Variants in HSD17B12 observed in about 807,000 individuals in gnomAD.
HSD17B12 encodes very-long-chain 3-oxoacyl-CoA reductase.
Under a neutral mutation model 39.3 loss-of-function variants are expected in HSD17B12, and 32 were observed. The observed-to-expected ratio is 0.81, with a 90% CI of 0.61 to 1.09. The LOEUF (loss-of-function observed/expected upper bound fraction) is 1.09, where lower values mean the gene tolerates loss of function less well. HSD17B12 is among the 50% of genes least tolerant of loss of function. The pLI is 0.00. For synonymous variants in HSD17B12, 150 were observed against 146.7 expected (o/e 1.02, Z -0.16); for missense variants, 342 against 382.9 (o/e 0.89, Z 0.89).
the HSD17B12 span, chr11:43,584,639 A>G: frequency 6.6e-6 from 1 of 152,298 alleles, no homozygotes; most frequent in Non-Finnish European, 1.5e-5. Flanking sequence ...GCCACAGGTG[A>G]TGAAGAGCTT....
intron 1 of HSD17B12, among the ~76,000 whole-genome samples, chr11:43,705,479 A>T (rs1305465711): frequency 6.6e-6 from 1 of 152,148 alleles, no homozygotes; most frequent in Non-Finnish European, 1.5e-5. Flanking sequence ...AGTTCAACTG[A>T]ATTTGAAAAG....
chr11:43,810,219 T>G (rs1951057159), intron 4 of HSD17B12, among the ~76,000 whole-genome samples: 1 of 152,088 alleles, frequency 6.6e-6, no homozygotes, highest in African/African-American at 2.4e-5. Flanking sequence ...GACATCATTA[T>G]ATCTCTATAG....
rs151166325 is a variant in HSD17B12 at position 43,841,947 on chromosome 11, C to A, written c.684+1883C>A. Among the ~76,000 whole-genome samples, 218 of 152,338 alleles carry A rather than the reference C, an allele frequency of 1.4e-3. 7 individuals carry two copies. The East Asian group carries it at 0.036, about 25-fold the overall frequency. On this transcript the variant is annotated intron_variant, in intron 9 of 10. Transcript: ENST00000278353. ...TGTATCATTTCACTGCATCTCATAA[C>A]AATCTCATACAATGGTGTGATGATG...
At chr11:43,765,926 C>T (rs1006961710) in intron 3 of HSD17B12, among the ~76,000 whole-genome samples, 5 of 152,078 alleles carry the variant, frequency 3.3e-5, no homozygotes, top group Non-Finnish European at 5.9e-5. Context: ...CTCTGCCTCC[C>T]GGGTTCACGC....
At chr11:43,635,449 T>TG in the HSD17B12 span, among the ~76,000 whole-genome samples, 1 of 152,172 alleles carries the variant, frequency 6.6e-6, no homozygotes, top group Non-Finnish European at 1.5e-5. Context: ...ATTATAGAAT[T>TG]GAGTTTGTAG....
At chr11:43,665,479 A>G in the HSD17B12 span, among the ~76,000 whole-genome samples, 494 of 152,224 alleles carry the variant, frequency 3.2e-3, no homozygotes, top group Non-Finnish European at 5.0e-3. Flanking sequence ...TCAGCCTCCT[A>G]AAGTGATGGG....
At chr11:43,735,818 C>A (rs1204243703) in intron 1 of HSD17B12, among the ~76,000 whole-genome samples, 1 of 152,044 alleles carries the variant, frequency 6.6e-6, no homozygotes, top group Non-Finnish European at 1.5e-5. Flanking sequence ...AGGAAACTTA[C>A]AATCATGGTG....
chr11:43,799,484 G>A (rs1055002808), intron 4 of HSD17B12, among the ~76,000 whole-genome samples: 3 of 151,966 alleles, frequency 2.0e-5, no homozygotes, highest in African/African-American at 7.3e-5. Flanking sequence ...CTTTGTTATG[G>A]AAACAATTCA....
At chr11:43,809,292 C>T (rs552224041) in intron 4 of HSD17B12, among the ~76,000 whole-genome samples, 2 of 152,132 alleles carry the variant, frequency 1.3e-5, no homozygotes, top group African/African-American at 4.8e-5. Flanking sequence ...TTACTATCCC[C>T]ATTTTATGTC....
At chr11:43,748,533 A>G (rs1950436924) in intron 1 of HSD17B12, among the ~76,000 whole-genome samples, 1 of 152,194 alleles carries the variant, frequency 6.6e-6, no homozygotes, top group African/African-American at 2.4e-5. Context: ...GTGGTGGGAT[A>G]TATACCCACA....
At chr11:43,797,034 A>T (rs1950922115) in intron 3 of HSD17B12, among the ~76,000 whole-genome samples, 1 of 152,178 alleles carries the variant, frequency 6.6e-6, no homozygotes, top group African/African-American at 2.4e-5. Context: ...TATACCTTTA[A>T]CACCAAATAA....
chr11:43,561,132 T>A, the HSD17B12 span, among the ~76,000 whole-genome samples: 2 of 152,174 alleles, frequency 1.3e-5, no homozygotes, highest in Non-Finnish European at 2.9e-5. Context: ...CCCACCACTT[T>A]CAAGCTTGGT....
chr11:43,813,880 G>T (rs1951095662), intron 4 of HSD17B12, among the ~76,000 whole-genome samples: 1 of 152,096 alleles, frequency 6.6e-6, no homozygotes, highest in East Asian at 1.9e-4. Context: ...CTTCTGACAG[G>T]TTTCAGTGGT....
At chr11:43,779,667 A>G (rs753651523) in intron 3 of HSD17B12, among the ~76,000 whole-genome samples, 1 of 152,234 alleles carries the variant, frequency 6.6e-6, no homozygotes, top group Non-Finnish European at 1.5e-5. Context: ...ATGAGAATGT[A>G]TTGGAGAACA....
At chr11:43,803,668 A>G (rs935689050) in intron 4 of HSD17B12, among the ~76,000 whole-genome samples, 31 of 152,200 alleles carry the variant, frequency 2.0e-4, no homozygotes, top group Non-Finnish European at 4.3e-4. Flanking sequence ...TTTCAGTAAG[A>G]TAAGTGGAAA....
rs11037683 is a variant in HSD17B12, at chr11:43,855,263, A to C, written c.*15A>C. The C allele has an allele frequency of 0.059, 90,309 of 1,534,104 alleles. 2,847 individuals are homozygous for C. The highest frequency in any genetic ancestry group is 0.078 in the African/African-American group (5,664 of 72,788). On this transcript the variant is annotated 3_prime_UTR_variant, in exon 11 of 11. Transcript: ENST00000278353. Reference sequence around the variant, plus strand: ...AGAAGAACTAAGCATTGATAACTGCATTGTAACTTGGCCAGATGCTCCAGC... The same window carrying C: ...AGAAGAACTAAGCATTGATAACTGCCTTGTAACTTGGCCAGATGCTCCAGC...
At chr11:43,661,641 C>A in the HSD17B12 span, among the ~76,000 whole-genome samples, 2 of 151,958 alleles carry the variant, frequency 1.3e-5, no homozygotes, top group Non-Finnish European at 2.9e-5. Flanking sequence ...AGTGAGACCC[C>A]ATTCTCCACA....
intron 9 of HSD17B12, chr11:43,852,079 A>G (rs1951537380): frequency 6.6e-6 from 1 of 152,228 alleles, no homozygotes; most frequent in African/African-American, 2.4e-5. Flanking sequence ...GTGGAAATAA[A>G]TATACTTTCT....
chr11:43,591,592 C>A, the HSD17B12 span, among the ~76,000 whole-genome samples: 2 of 151,992 alleles, frequency 1.3e-5, no homozygotes, highest in East Asian at 1.9e-4. Flanking sequence ...AAAGGAAAAT[C>A]TTTTTAAAAG....
Sources: allele counts gnomAD v4.1 joint callset (sites outside exome capture counted in the v4.1 genomes callset), GRCh38; gene constraint gnomAD v4.1.1; transcripts MANE v1.5; gene names NCBI Gene and HGNC (gene_info 2026-07-23, HGNC 2026-07-21).